Variants in RPTOR observed in about 807,000 individuals in gnomAD.
RPTOR encodes regulatory associated protein of MTOR complex 1, also known as regulatory-associated protein of mTOR.
In RPTOR, 21 loss-of-function variants were observed where a neutral mutation model predicts 169.9. The observed-to-expected ratio is 0.12, with a 90% CI of 0.09 to 0.18. The LOEUF is 0.18. Among genes scored for constraint, RPTOR ranks in the 10% least tolerant of loss-of-function variants. The probability of loss-of-function intolerance (pLI) is 1.00; values close to 1 mark genes in which losing one functional copy is unlikely to be tolerated. For synonymous variants in RPTOR, 732 were observed against 753.2 expected (o/e 0.97, Z 0.46); for missense variants, 1,133 against 1,855.9 (o/e 0.61, Z 7.16).
intron 28 of RPTOR, among the ~76,000 whole-genome samples, chr17:80,952,679 G>A (rs574185309): frequency 3.9e-5 from 6 of 152,052 alleles, no homozygotes; most frequent in East Asian, 3.9e-4. Flanking sequence ...TGTTCTGCTC[G>A]TGTCACTGCT....
At position 80,633,677 on chromosome 17, in the gene RPTOR, T is replaced by C. The variant is rs895545749; in HGVS notation, c.265+7884T>C. On this transcript the variant is annotated intron_variant, in intron 2 of 33. Coordinates refer to ENST00000306801, the MANE Select transcript of RPTOR (RefSeq NM_020761.3). This position sits in a 1 kb window ranked among gnomAD's most constrained non-coding sequence, Gnocchi z 4.1. ...GGACCTCATGTGAAATTCCCCTTTG[T>C]AGTTGATAGGTATTTTCGGGAAGAA... Among the ~76,000 whole-genome samples the C allele has an allele frequency of 6.6e-6, 1 of 152,230 alleles. No homozygotes were observed. Among genetic ancestry groups the C allele is most frequent in the Non-Finnish European group, 1.5e-5 (1 of 68,042 alleles).
intron 3 of RPTOR, among the ~76,000 whole-genome samples, chr17:80,706,824 T>C (rs1388108163): frequency 6.6e-6 from 1 of 152,192 alleles, no homozygotes; most frequent in Non-Finnish European, 1.5e-5. Context: ...AGCTGACATC[T>C]TAAGAATGTT....
intron 5 of RPTOR, among the ~76,000 whole-genome samples, chr17:80,734,051 A>G (rs1359521144): frequency 2.0e-5 from 3 of 152,208 alleles, no homozygotes; most frequent in Admixed American, 1.3e-4. Context: ...GATTGATTCT[A>G]TAGGAAGACA....
intron 6 of RPTOR, among the ~76,000 whole-genome samples, chr17:80,769,995 C>T (rs1425881857): frequency 6.6e-6 from 1 of 152,212 alleles, no homozygotes; most frequent in Non-Finnish European, 1.5e-5. Flanking sequence ...AGTGCTGCTG[C>T]ACAGGCCCCT....
intron 20 of RPTOR, among the ~76,000 whole-genome samples, chr17:80,897,571 C>G (rs896008825): frequency 2.0e-5 from 3 of 152,222 alleles, no homozygotes; most frequent in Non-Finnish European, 4.4e-5. Flanking sequence ...AATATCCTTG[C>G]ATTTCTGGGG....
chr17:80,820,598 G>A lies in RPTOR; in HGVS notation c.891-1603G>A, dbSNP rs1462772134. On this transcript the variant is annotated intron_variant, in intron 7 of 33. Coordinates refer to ENST00000306801, the MANE Select transcript of RPTOR (RefSeq NM_020761.3). This position sits in a 1 kb window ranked among gnomAD's most constrained non-coding sequence, Gnocchi z 4.1. ...CCAAGCTCTGTCGTAGGTTGTTAGA[G>A]GGTGGGCACCTTTGCTTTTCCTCAC... Among the ~76,000 whole-genome samples the A allele has an allele frequency of 1.3e-5, 2 of 152,174 alleles. No individual in the cohort carries two copies. The highest frequency in any genetic ancestry group is 3.9e-4 in the East Asian group (2 of 5,152).
intron 6 of RPTOR, among the ~76,000 whole-genome samples, chr17:80,771,216 G>C (rs531377882): frequency 6.6e-6 from 1 of 152,114 alleles, no homozygotes; most frequent in African/African-American, 2.4e-5. Flanking sequence ...GTTCTCCCAC[G>C]GCTGTGTTCT....
chr17:80,818,099 G>T (rs542385857), intron 7 of RPTOR, among the ~76,000 whole-genome samples: 63 of 152,342 alleles, frequency 4.1e-4, no homozygotes, highest in African/African-American at 1.5e-3. Context: ...CCCGGCATCT[G>T]CCACATCTGT....
At chr17:80,588,902 T>C (rs535222014) in intron 1 of RPTOR, among the ~76,000 whole-genome samples, 52 of 152,348 alleles carry the variant, frequency 3.4e-4, no homozygotes, top group South Asian at 2.9e-3. Flanking sequence ...AACAGAAATA[T>C]GTAGTTCTAT....
At chr17:80,598,916 C>CTATG (rs1444481464) in intron 1 of RPTOR, among the ~76,000 whole-genome samples, 4 of 151,124 alleles carry the variant, frequency 2.6e-5, no homozygotes, top group South Asian at 2.1e-4. Context: ...ATCTATCTAT[C>CTATG]TATCTATCTA....
intron 6 of RPTOR, among the ~76,000 whole-genome samples, chr17:80,762,695 A>G (rs2143377475): frequency 6.6e-6 from 1 of 152,348 alleles, no homozygotes; most frequent in African/African-American, 2.4e-5. Context: ...GATGGATTGA[A>G]AAGCAACATT....
chr17:80,696,304 A>T (rs192039278), intron 3 of RPTOR, among the ~76,000 whole-genome samples: 19 of 152,382 alleles, frequency 1.2e-4, no homozygotes, highest in Admixed American at 1.0e-3. Context: ...AAACATTTAA[A>T]GAGCAAATAA....
Position 80,598,882 on chromosome 17 carries a change from T to TTCTTTCTATCTATCTATCTA in RPTOR, c.163-26806_163-26805insTTCTATCTATCTATCTATCT, listed in dbSNP as rs752610583. Among the ~76,000 whole-genome samples the TTCTTTCTATCTATCTATCTA allele has an allele frequency of 2.9e-3, 431 of 146,870 alleles. 2 individuals carry two copies. The highest frequency in any genetic ancestry group is 0.011 in the Admixed American group (168 of 14,658). ...ATTGACCTTAAACTTTCTTGATTCT[T>TTCTTTCTATCTATCTATCTA]TCTATCTATCTATCTATCTATCTAT... On this transcript the variant is annotated intron_variant, in intron 1 of 33. Coordinates refer to ENST00000306801, the MANE Select transcript of RPTOR (RefSeq NM_020761.3).
At chr17:80,567,735 C>T (rs62068271) in intron 1 of RPTOR, among the ~76,000 whole-genome samples, 146,427 of 151,554 alleles carry the variant, frequency 0.97, 70,753 homozygotes, top group East Asian at 1. Context: ...GAGGTTGCAG[C>T]GAGCCGAGAT....
chr17:80,804,020 A>G (rs1359286275), intron 7 of RPTOR, among the ~76,000 whole-genome samples: 1 of 152,218 alleles, frequency 6.6e-6, no homozygotes, highest in East Asian at 1.9e-4. Flanking sequence ...TTCAGTATTT[A>G]TAATTAACAC....
intron 11 of RPTOR, among the ~76,000 whole-genome samples, chr17:80,847,592 A>C (rs1038627889): frequency 1.3e-5 from 2 of 152,226 alleles, no homozygotes; most frequent in Non-Finnish European, 2.9e-5. Flanking sequence ...GCCCAGCAGC[A>C]GGCAGGGAAT....
chr17:80,827,628 G>C (rs2067458870), intron 9 of RPTOR, among the ~76,000 whole-genome samples: 1 of 152,154 alleles, frequency 6.6e-6, no homozygotes, highest in African/African-American at 2.4e-5. Context: ...GGGGTCCTGG[G>C]GCCACGTTCA....
At chr17:80,953,373 C>G (rs1319347160) in intron 28 of RPTOR, among the ~76,000 whole-genome samples, 10 of 152,242 alleles carry the variant, frequency 6.6e-5, no homozygotes, top group African/African-American at 2.4e-4. Context: ...AGGGCTCAGG[C>G]AGTCCTCCTA....
intron 5 of RPTOR, among the ~76,000 whole-genome samples, chr17:80,748,564 G>A (rs1314933203): frequency 2.2e-4 from 22 of 100,554 alleles, no homozygotes; most frequent in East Asian, 1.1e-3. Context: ...GGATGGAGGG[G>A]CTGCGGTGTG....
Sources: gnomAD v4.1 joint callset for allele counts (sites outside exome capture counted in the v4.1 genomes callset) on GRCh38, gnomAD v4.1.1 for gene constraint, Gnocchi (gnomAD v3.1) non-coding constraint, MANE v1.5 for transcripts, NCBI Gene and HGNC (gene_info 2026-07-23, HGNC 2026-07-21) for gene names.